Variants in NAV1 observed in about 807,000 individuals in gnomAD.
NAV1 encodes pore membrane and/or filament interacting like protein 3.
In NAV1, 18 loss-of-function variants were observed where a neutral mutation model predicts 175.2. That is an observed-to-expected ratio of 0.10 (90% CI 0.07 to 0.15). The LOEUF is 0.15. NAV1 is among the 10% of genes least tolerant of loss of function. NAV1 has a pLI of 1.00. For synonymous variants in NAV1, 897 were observed against 978.7 expected, an observed-to-expected ratio of 0.92 and a Z score of 1.56; for missense variants, 1,731 against 2,436.6, an observed-to-expected ratio of 0.71 and a Z score of 6.10.
At chr1:201,777,549 C>CT (rs761131780) in intron 3 of NAV1, among the ~76,000 whole-genome samples, 119 of 135,228 alleles carry the variant, frequency 8.8e-4, no homozygotes, top group Admixed American at 1.5e-3. Flanking sequence ...TGCACCCAGC[C>CT]TTTTTTTTTT....
chr1:201,571,086 T>A (rs1344291784), intron 1 of NAV1, among the ~76,000 whole-genome samples: 1 of 152,214 alleles, frequency 6.6e-6, no homozygotes, highest in Non-Finnish European at 1.5e-5. Context: ...TGGCCATTGA[T>A]TTTGAAAGAG....
chr1:201,626,967 C>G (rs1303646635), intron 1 of NAV1, among the ~76,000 whole-genome samples: 3 of 152,354 alleles, frequency 2.0e-5, no homozygotes, highest in African/African-American at 2.4e-5. Context: ...AGAGATAAAG[C>G]CTGCCTTCCT....
At chr1:201,797,388 C>T (rs916279509) in intron 15 of NAV1, 1 of 152,148 alleles carries the variant, frequency 6.6e-6, no homozygotes, top group Non-Finnish European at 1.5e-5. Flanking sequence ...ATATGTCTAT[C>T]CTTGGCCAGT....
intron 6 of NAV1, 124 bp from the exon 11 acceptor site, chr1:201,783,282 A>T (rs1272441693): frequency 2.0e-6 from 2 of 981,912 alleles, no homozygotes; most frequent in East Asian, 4.8e-5. Context: ...CAACAGCATT[A>T]GGATAAGCCT....
chr1:201,800,332 A>G (rs965223187), intron 15 of NAV1, among the ~76,000 whole-genome samples: 1 of 152,228 alleles, frequency 6.6e-6, no homozygotes, highest in Non-Finnish European at 1.5e-5. Flanking sequence ...ACTAGTTTCA[A>G]TTAAACTAAT....
At chr1:201,648,920 C>T (rs756934035) in exon 1 of NAV1, 2 of 1,612,788 alleles carry the variant, frequency 1.2e-6, no homozygotes, top group African/African-American at 1.3e-5. Flanking sequence ...CCGCCTCCAA[C>T]CTGCGCAAGC....
Position 201,750,903 on chromosome 1 carries a change from T to C in NAV1, c.1227-29518T>C, listed in dbSNP as rs573205944. ...GATGGAAGAAAGAGCAGGATGTTTT[T>C]ATTTCTGTCTATTGCCTGAAGGCAT... On this transcript the variant is annotated intron_variant, in intron 3 of 29. Transcript: ENST00000367296. This position sits in a 1 kb window ranked among gnomAD's most constrained non-coding sequence, Gnocchi z 4.1. Among the ~76,000 whole-genome samples the C allele has an allele frequency of 9.8e-5, 15 of 152,302 alleles. No homozygotes were observed. The highest frequency in any genetic ancestry group is 3.4e-4 in the African/African-American group (14 of 41,570).
intron 1 of NAV1, among the ~76,000 whole-genome samples, chr1:201,684,166 C>T (rs2102403947): frequency 6.6e-6 from 1 of 152,212 alleles, no homozygotes; most frequent in East Asian, 1.9e-4. Context: ...GTTCATTTTG[C>T]ACATTCCCTG....
intron 1 of NAV1, among the ~76,000 whole-genome samples, chr1:201,541,250 G>A (rs536242056): frequency 6.6e-6 from 1 of 152,276 alleles, no homozygotes; most frequent in African/African-American, 2.4e-5. Context: ...CTTTATAGAT[G>A]CTTGCCAAAC....
chr1:201,692,838 G>A (rs955340694), intron 1 of NAV1, among the ~76,000 whole-genome samples: 2 of 152,250 alleles, frequency 1.3e-5, no homozygotes, highest in African/African-American at 4.8e-5. Flanking sequence ...GGAGAAACTG[G>A]CAGAGATAGT....
chr1:201,794,880 T>C (rs1677342910), intron 15 of NAV1: 1 of 307,048 alleles, frequency 3.3e-6, no homozygotes, highest in South Asian at 4.6e-5. Context: ...CCTTTACATT[T>C]TTATGCAAAT....
At chr1:201,660,084 C>G (rs181909404) in intron 1 of NAV1, among the ~76,000 whole-genome samples, 1 of 152,154 alleles carries the variant, frequency 6.6e-6, no homozygotes, top group African/African-American at 2.4e-5. Flanking sequence ...TTGATGGTGA[C>G]GTGATGTCCA....
chr1:201,608,918 G>C (rs1043122010), intron 2 of NAV1, among the ~76,000 whole-genome samples: 1 of 152,224 alleles, frequency 6.6e-6, no homozygotes, highest in African/African-American at 2.4e-5. Context: ...TCTGAGGGAG[G>C]CTGCTGGAGC....
chr1:201,650,185 G>A (rs796584948), intron 1 of NAV1, among the ~76,000 whole-genome samples: 21 of 152,374 alleles, frequency 1.4e-4, no homozygotes, highest in African/African-American at 5.0e-4. Context: ...CGGGAAGGGA[G>A]GAACAAAGCT....
At chr1:201,620,453 C>CTTTTTTTTT (rs71861939), upstream of NAV1, among the ~76,000 whole-genome samples, 34 of 94,530 alleles carry the variant, frequency 3.6e-4, 5 homozygotes, top group East Asian at 2.6e-3. Context: ...GACATATACT[C>CTTTTTTTTT]TTTTTTTTTT....
chr1:201,603,168 G>A (rs189198742), intron 2 of NAV1, among the ~76,000 whole-genome samples: 392 of 152,282 alleles, frequency 2.6e-3, no homozygotes, highest in Non-Finnish European at 4.5e-3. Flanking sequence ...AATTACAGCA[G>A]GAAAGGTTTA....
intron 3 of NAV1, among the ~76,000 whole-genome samples, chr1:201,734,243 A>G (rs1227162152): frequency 6.6e-6 from 1 of 151,858 alleles, no homozygotes; most frequent in Non-Finnish European, 1.5e-5. Context: ...CTCCTTCTGT[A>G]CAAAAAATTT....
intron 1 of NAV1, among the ~76,000 whole-genome samples, chr1:201,571,070 G>C (rs1434402584): frequency 6.6e-6 from 1 of 152,242 alleles, no homozygotes; most frequent in African/African-American, 2.4e-5. Flanking sequence ...GCCCCGCCAG[G>C]TCTGGTGGCC....
chr1:201,769,394 C>T lies in NAV1; in HGVS notation c.1227-11027C>T, dbSNP rs527786295. Among the ~76,000 whole-genome samples, 12 of 152,322 alleles carry T rather than the reference C, an allele frequency of 7.9e-5. No individual in the cohort carries two copies. In the East Asian group the frequency reaches 2.3e-3, roughly 29 times the overall value. ...CTGCCTAACCTAGGTCACCATCCAT[C>T]AACTCTAGCAAGTGAGACAATATCA... On this transcript the variant is annotated intron_variant, in intron 3 of 29. Coordinates refer to ENST00000367296, the Ensembl canonical transcript of NAV1.
Sources: allele counts gnomAD v4.1 joint callset (sites outside exome capture counted in the v4.1 genomes callset), GRCh38; gene constraint gnomAD v4.1.1; non-coding constraint Gnocchi (gnomAD v3.1); transcripts MANE v1.5; gene names NCBI Gene and HGNC (gene_info 2026-07-23, HGNC 2026-07-21).